ARSG: variants seen among roughly 807,000 people sequenced by gnomAD.
ARSG encodes arylsulfatase G, also known as ASG.
Under a neutral mutation model 50.5 loss-of-function variants are expected in ARSG, and 37 were observed. The observed-to-expected ratio is 0.73, with a 90% CI of 0.56 to 0.96. ARSG has a LOEUF of 0.96. Ranked by LOEUF, ARSG falls within the 50% of genes least tolerant of loss-of-function variation. ARSG has a pLI of 0.00. For synonymous variants in ARSG, 225 were observed against 254.6 expected (o/e 0.88, Z 1.11); for missense variants, 629 against 675.3 (o/e 0.93, Z 0.76).
At position 68,395,127 on chromosome 17, in the gene ARSG, AGGAC is replaced by A; in HGVS notation, c.1149_1152del (p.Arg384AlafsTer70). 1 of 1,614,104 alleles carries A rather than the reference AGGAC, an allele frequency of 6.2e-7. No homozygotes were observed. The highest frequency in any genetic ancestry group is 1.1e-5 in the South Asian group (1 of 91,080). On this transcript the variant is annotated frameshift_variant, in exon 10 of 12. Coordinates refer to ENST00000621439, the MANE Select transcript of ARSG (RefSeq NM_001267727.2). LOFTEE classifies it high-confidence loss of function. Reference sequence around the variant, plus strand: ...CCCTGGCCCAGGCCAGCTTACCTCAAGGACGGCGCTTTGATGGTGTGGACGTCTC... The same window carrying A: ...CCCTGGCCCAGGCCAGCTTACCTCAAGGCGCTTTGATGGTGTGGACGTCTC...
rs879951885 is a variant in ARSG at position 68,273,210 on chromosome 17, AT to A, written c.-552+13797del. On this transcript the variant is annotated intron_variant, in intron 1 of 11. Transcript: ENST00000448504. ...ATGGCCTCCTTTTATTGTTCATTTC[AT>A]TTTTTTTTTTTTAAACAGACAGGGT... Among the ~76,000 whole-genome samples the A allele has an allele frequency of 9.5e-3, 1,366 of 143,852 alleles. 19 individuals carry two copies. Among genetic ancestry groups the A allele is most frequent in the African/African-American group, 0.029 (1,158 of 39,414 alleles). The allele number at this position is 143,852 out of a possible 152,430, so 94.4% of individuals were successfully genotyped here. A position where few individuals can be genotyped will look rare whatever the true frequency, so the allele number is the denominator to read the frequency against.
chr17:68,299,927 T>C (rs1473904429), intron 1 of ARSG, among the ~76,000 whole-genome samples: 2 of 146,112 alleles, frequency 1.4e-5, no homozygotes, highest in African/African-American at 5.1e-5. Context: ...TTATATGATA[T>C]TTGGTATTGC....
the ARSG span, chr17:68,450,975 C>G: frequency 6.6e-7 from 1 of 1,516,802 alleles, no homozygotes. Flanking sequence ...ACACTGGGCC[C>G]GGCGCAGGCC....
the ARSG span, among the ~76,000 whole-genome samples, chr17:68,449,292 T>C: frequency 6.6e-6 from 1 of 152,250 alleles, no homozygotes; most frequent in Non-Finnish European, 1.5e-5. Flanking sequence ...CTGCCTTTTC[T>C]ACCAGGTCGT....
chr17:68,283,297 A>G (rs2075755905), intron 1 of ARSG, among the ~76,000 whole-genome samples: 1 of 151,122 alleles, frequency 6.6e-6, no homozygotes, highest in South Asian at 2.1e-4. Context: ...GAGGCAGGCG[A>G]ATCACGAGGT....
the ARSG span, among the ~76,000 whole-genome samples, chr17:68,427,993 T>C: frequency 2.6e-5 from 4 of 152,000 alleles, no homozygotes; most frequent in Non-Finnish European, 5.9e-5. Flanking sequence ...TGGGCTCAGG[T>C]GATCCCCCCA....
rs141560525 is a variant in ARSG, at chr17:68,273,369, C to T, written c.-552+13943C>T. 2.3e-3 allele frequency among the ~76,000 whole-genome samples: 347 copies of T among 152,120 alleles called. 3 individuals carry two copies. Among genetic ancestry groups the T allele is most frequent in the African/African-American group, 8.0e-3 (332 of 41,494 alleles). On this transcript the variant is annotated intron_variant, in intron 1 of 11. Transcript: ENST00000448504. ...ATGGTTACAGCTGGGACCACAGGCA[C>T]GCACCACCACGCTTGGCTAGTTTTT... is the stretch of plus-strand genomic sequence containing the variant.
chr17:68,320,886 C>T (rs970630715), intron 2 of ARSG, among the ~76,000 whole-genome samples: 17 of 151,986 alleles, frequency 1.1e-4, no homozygotes, highest in African/African-American at 7.3e-5. Context: ...GTCGCATTGT[C>T]GTATACCTTG....
the ARSG span, among the ~76,000 whole-genome samples, chr17:68,433,790 T>TTTTTTTG: frequency 1.4e-5 from 1 of 73,112 alleles, no homozygotes; most frequent in African/African-American, 5.1e-5. Flanking sequence ...TTTTTTTTTT[T>TTTTTTTG]TTTTTTTTGA....
chr17:68,385,016 C>T (rs1381586223), intron 8 of ARSG, 48 bp from the exon 9 acceptor site: 1 of 1,502,928 alleles, frequency 6.7e-7, no homozygotes, highest in Non-Finnish European at 9.3e-7. Flanking sequence ...GAAAAGAAGT[C>T]TCGAGTTATC....
intron 3 of ARSG, chr17:68,346,726 G>A (rs980184064): frequency 1.3e-5 from 16 of 1,248,612 alleles, no homozygotes; most frequent in South Asian, 1.2e-4. Flanking sequence ...TTTCTGAGAC[G>A]ATGTGGGGCG....
At position 68,343,706 on chromosome 17, in the gene ARSG, A is replaced by C. The variant is rs768601006; in HGVS notation, c.321A>C (p.Ala107=). ...GCAATGGAGTCACACGCAACTTTGCAGTCACTTCTGTGGGAGGCCTTCCGC... is the reference window on the plus strand; with the variant it reads ...GCAATGGAGTCACACGCAACTTTGCCGTCACTTCTGTGGGAGGCCTTCCGC... ...GLRNGVTRNF[A]VTSVGGLPLN... is the part of the protein sequence containing the mutation. Residue 107 remains alanine, a synonymous_variant, in exon 3 of 12, where the codon GCA becomes GCC. Coordinates refer to ENST00000621439, the MANE Select transcript of ARSG (RefSeq NM_001267727.2). 1 of 1,614,156 alleles carries C rather than the reference A, an allele frequency of 6.2e-7. No homozygotes were observed. The highest frequency in any genetic ancestry group is 1.1e-5 in the South Asian group (1 of 91,076).
intron 1 of ARSG, among the ~76,000 whole-genome samples, chr17:68,292,119 G>C (rs2076025859): frequency 6.6e-6 from 1 of 152,100 alleles, no homozygotes; most frequent in African/African-American, 2.4e-5. Context: ...GCCGCTGCGG[G>C]TGCCTTGCTT....
the ARSG span, among the ~76,000 whole-genome samples, chr17:68,435,256 C>G: frequency 6.6e-6 from 1 of 151,504 alleles, no homozygotes; most frequent in Admixed American, 6.6e-5. Context: ...TTATTCCAGG[C>G]AGAAGACATC....
intron 8 of ARSG, among the ~76,000 whole-genome samples, chr17:68,379,265 G>C (rs2080305593): frequency 6.6e-6 from 1 of 151,970 alleles, no homozygotes; most frequent in Admixed American, 6.6e-5. Flanking sequence ...TGTAGAGACA[G>C]GGTCTCACTC....
intron 6 of ARSG, 65 bp downstream of exon 6, chr17:68,356,869 T>C: frequency 6.2e-7 from 1 of 1,603,266 alleles, no homozygotes; most frequent in Non-Finnish European, 8.5e-7. Context: ...ACACACACCA[T>C]GTCCCTTGGC....
At chr17:68,351,782 A>G in intron 5 of ARSG, 96 bp downstream of exon 5, 1 of 796,826 alleles carries the variant, frequency 1.3e-6, no homozygotes, top group African/African-American at 1.7e-5. Flanking sequence ...CAGACAGGAA[A>G]CAGTTAAGAC....
Position 68,271,211 on chromosome 17 carries a change from G to C in ARSG, c.-552+11785G>C, listed in dbSNP as rs1555748554. On this transcript the variant is annotated intron_variant, in intron 1 of 11. Coordinates refer to the ARSG transcript ENST00000448504. The surrounding 1 kb of genome is among the most constrained non-coding windows in gnomAD (Gnocchi z 5.3). The stretch of plus-strand genomic sequence containing the variant: ...TCAATGCCCAGACTAATGCCCAGAG[G>C]AATGATGTACAAGGAAGGTGCAAAG... 21 of 1,613,926 alleles carry C rather than the reference G, an allele frequency of 1.3e-5. No homozygotes were observed. The highest frequency in any genetic ancestry group is 1.6e-5 in the Non-Finnish European group (19 of 1,180,040).
At position 68,368,554 on chromosome 17, in the gene ARSG, C is replaced by T. The variant is rs149016526; in HGVS notation, c.711C>T (p.Ser237=). The change falls in exon 7 of 12, where the codon AGC becomes AGT. Residue 237 remains serine, a synonymous_variant. Transcript: ENST00000621439. ...CTTGGTTCTCCTGTTTCAGCACCAG[C>T]GGGAGGCCCTTCCTGCTCTATGTGG... ...ATQFIQRAST[S]GRPFLLYVAL... is the part of the protein sequence containing the mutation. 157 of 1,613,350 alleles carry T rather than the reference C, an allele frequency of 9.7e-5. 1 individual carries two copies. The African/African-American group carries it at 1.4e-3, about 14-fold the overall frequency.
Sources: allele counts gnomAD v4.1 joint callset (sites outside exome capture counted in the v4.1 genomes callset), GRCh38; gene constraint gnomAD v4.1.1; non-coding constraint Gnocchi (gnomAD v3.1); transcripts MANE v1.5; gene names NCBI Gene and HGNC (gene_info 2026-07-23, HGNC 2026-07-21).